Variants in TET2 observed in about 807,000 individuals in gnomAD.
TET2 encodes the protein tet methylcytosine dioxygenase 2, also known as methylcytosine dioxygenase TET2.
TET2 carries 299 observed loss-of-function variants against 142.9 expected under a neutral mutation model. The observed-to-expected ratio is 2.09, with a 90% CI of 1.90 to 2.30. TET2 has a LOEUF of 2.30. Among genes scored for constraint, TET2 ranks in the 30% most tolerant of loss-of-function variants. The pLI, the probability that TET2 is intolerant of heterozygous loss-of-function variation, is 0.00. For synonymous variants in TET2, 819 were observed against 849.0 expected, an observed-to-expected ratio of 0.96 and a Z score of 0.61; for missense variants, 2,418 against 2,378.0, an observed-to-expected ratio of 1.02 and a Z score of -0.35.
chr4:105,157,241 A>T (rs1240342513), intron 1 of TET2, among the ~76,000 whole-genome samples: 5 of 152,152 alleles, frequency 3.3e-5, no homozygotes, highest in Non-Finnish European at 5.9e-5. Context: ...TGATGAAAAG[A>T]AGAATACCAT....
intron 1 of TET2, among the ~76,000 whole-genome samples, chr4:105,167,873 G>A (rs968229438): frequency 6.6e-6 from 1 of 152,126 alleles, no homozygotes; most frequent in Non-Finnish European, 1.5e-5. Flanking sequence ...AAAAATAAAT[G>A]TGAAACCCGT....
intron 2 of TET2, among the ~76,000 whole-genome samples, chr4:105,222,253 TG>T (rs1727875481): frequency 6.6e-6 from 1 of 152,244 alleles, no homozygotes; most frequent in South Asian, 2.1e-4. Context: ...CTCAGTCAAA[TG>T]GTATTTCTAG....
chr4:105,271,430 G>A (rs925449099), intron 9 of TET2, among the ~76,000 whole-genome samples: 4 of 150,176 alleles, frequency 2.7e-5, no homozygotes, highest in Non-Finnish European at 4.5e-5. Flanking sequence ...ATGATGAGAA[G>A]GATGTTTAGA....
intron 6 of TET2, among the ~76,000 whole-genome samples, chr4:105,257,763 T>TA (rs1730213788): frequency 6.6e-6 from 1 of 152,184 alleles, no homozygotes; most frequent in Non-Finnish European, 1.5e-5. Flanking sequence ...TTAGTTATCT[T>TA]ATGTTTTGCT....
intron 1 of TET2, among the ~76,000 whole-genome samples, chr4:105,180,021 G>GT (rs1256312678): frequency 7.2e-5 from 11 of 152,006 alleles, no homozygotes; most frequent in Admixed American, 2.0e-4. Flanking sequence ...TTCTTTCACT[G>GT]TTTTTTTTCT....
intron 1 of TET2, among the ~76,000 whole-genome samples, chr4:105,169,056 G>C (rs894406028): frequency 6.6e-6 from 1 of 152,224 alleles, no homozygotes; most frequent in African/African-American, 2.4e-5. Flanking sequence ...GTGTGTGCAA[G>C]TATCTTTTTC....
Position 105,275,339 on chromosome 4 carries a change from ATTC to A in TET2, c.4834_4836del (p.Ser1612del). The A allele has an allele frequency of 6.4e-7, 1 of 1,551,802 alleles. No individual in the cohort carries two copies. Among genetic ancestry groups the A allele is most frequent in the Non-Finnish European group, 8.7e-7 (1 of 1,146,986 alleles). On this transcript the variant is annotated inframe_deletion, in exon 11 of 11. Coordinates refer to ENST00000380013, the MANE Select transcript of TET2 (RefSeq NM_001127208.3). ...TCTCAAGCTGCAGGTTCATATTTGAATTCTTCTAATCCCATGAACCCTTACCCT... is the reference window on the plus strand; with the variant it reads ...TCTCAAGCTGCAGGTTCATATTTGAATTCTAATCCCATGAACCCTTACCCT...
chr4:105,181,857 A>G (rs1483023188), intron 1 of TET2, among the ~76,000 whole-genome samples: 2 of 152,166 alleles, frequency 1.3e-5, no homozygotes, highest in Non-Finnish European at 2.9e-5. Flanking sequence ...AACCTTAAGT[A>G]TGATTGAATT....
chr4:105,198,482 A>T (rs946640395), intron 2 of TET2, among the ~76,000 whole-genome samples: 2 of 152,238 alleles, frequency 1.3e-5, no homozygotes, highest in Admixed American at 1.3e-4. Flanking sequence ...TCTCTTAATT[A>T]ACCTAAGTCA....
In TET2 at chr4:105,236,883, A is replaced by G. The variant is rs750914858; in HGVS notation, c.2941A>G (p.Ile981Val). The G allele has an allele frequency of 7.4e-6, 12 of 1,614,152 alleles. No homozygotes were observed. The highest frequency in any genetic ancestry group is 3.3e-4 in the Middle Eastern group (2 of 6,062). The change falls in exon 3 of 11, where the codon ATT (isoleucine) becomes GTT (valine). Residue 981 changes from isoleucine (I) to valine (V), a missense_variant. Physicochemically the swap from Ile to Val is conservative, Grantham distance 29. Transcript: ENST00000380013. ...ESCHSQMHRP[I>V]KVEPGCKPHA... ...TTGCCATAGTCAGATGCACAGGCCAATTAAGGTGGAACCTGGATGCAAGCC... is the reference window on the plus strand; with the variant it reads ...TTGCCATAGTCAGATGCACAGGCCAGTTAAGGTGGAACCTGGATGCAAGCC...
chr4:105,228,854 C>A (rs1728330242), intron 2 of TET2, among the ~76,000 whole-genome samples: 2 of 152,082 alleles, frequency 1.3e-5, no homozygotes, highest in African/African-American at 2.4e-5. Flanking sequence ...TCAAAGACTA[C>A]AAATCAATTT....
At chr4:105,208,180 A>G (rs1726937280) in intron 2 of TET2, among the ~76,000 whole-genome samples, 1 of 152,112 alleles carries the variant, frequency 6.6e-6, no homozygotes. Context: ...CCAACTTTTC[A>G]TTCTCTTTAC....
In TET2 at chr4:105,233,964, C is replaced by A. The variant is rs147112198; in HGVS notation, c.22C>A (p.His8Asn). 6.2e-7 allele frequency: 1 copy of A among 1,613,912 alleles called. No individual in the cohort carries two copies. The highest frequency in any genetic ancestry group is 1.1e-5 in the South Asian group (1 of 91,054). MEQDRTN[H>N]VEGNRLSPFL... ...CCTGATGGAACAGGATAGAACCAAC[C>A]ATGTTGAGGGCAACAGACTAAGTCC... The change falls in exon 3 of 11, where the codon CAT (histidine) becomes AAT (asparagine). Residue 8 changes from histidine to asparagine, a missense_variant. His to Asn is a moderately conservative substitution (Grantham distance 68). Coordinates refer to ENST00000380013, the MANE Select transcript of TET2 (RefSeq NM_001127208.3).
chr4:105,150,030 C>T (rs1271729404), intron 1 of TET2, among the ~76,000 whole-genome samples: 1 of 152,122 alleles, frequency 6.6e-6, no homozygotes, highest in African/African-American at 2.4e-5. Flanking sequence ...AAGACTCCAC[C>T]CCCAAACAAT....
At chr4:105,251,716 G>A (rs1729879656) in intron 6 of TET2, among the ~76,000 whole-genome samples, 1 of 152,084 alleles carries the variant, frequency 6.6e-6, no homozygotes, top group Non-Finnish European at 1.5e-5. Context: ...TGGTTTTGGT[G>A]TCAGAGTAAT....
At chr4:105,241,458 T>C (rs2110249500) in intron 4 of TET2, 29 bp downstream of exon 4, 1 of 1,532,846 alleles carries the variant, frequency 6.5e-7, no homozygotes, top group African/African-American at 1.4e-5. Context: ...CAGGGCAGAT[T>C]AACGTTTATC....
intron 3 of TET2, chr4:105,237,677 G>C: frequency 1.5e-6 from 2 of 1,322,662 alleles, no homozygotes; most frequent in Non-Finnish European, 1.9e-6. Context: ...CTCCTGGAGA[G>C]ACAGCTAGGC....
intron 1 of TET2, among the ~76,000 whole-genome samples, chr4:105,173,062 T>C (rs1724566045): frequency 6.6e-6 from 1 of 152,206 alleles, no homozygotes; most frequent in Non-Finnish European, 1.5e-5. Context: ...TGAAAAAGTA[T>C]TTGCTTCTCA....
intron 5 of TET2, 30 bp from the exon 6 acceptor site, chr4:105,243,540 G>T (rs2110254132): frequency 6.5e-7 from 1 of 1,547,000 alleles, no homozygotes; most frequent in Non-Finnish European, 8.7e-7. Context: ...GGGGTGGGGG[G>T]TGTTTGGGAT....
Sources: gnomAD v4.1 joint callset for allele counts (sites outside exome capture counted in the v4.1 genomes callset) on GRCh38, gnomAD v4.1.1 for gene constraint, MANE v1.5 for transcripts, NCBI Gene and HGNC (gene_info 2026-07-23, HGNC 2026-07-21) for gene names.